PCDHA11: variants seen among roughly 807,000 people sequenced by gnomAD.
The protein encoded by PCDHA11 is protocadherin alpha-11.
Under a neutral mutation model 70.3 loss-of-function variants are expected in PCDHA11, and 61 were observed. That is an observed-to-expected ratio of 0.87 (90% CI 0.71 to 1.07). PCDHA11 has a LOEUF of 1.07. Among genes scored for constraint, PCDHA11 ranks in the 50% least tolerant of loss-of-function variants. The pLI is 0.00. For synonymous variants in PCDHA11, 633 were observed against 555.1 expected (o/e 1.14, Z -1.97); for missense variants, 1,324 against 1,237.5 (o/e 1.07, Z -1.05).
Position 140,982,513 on chromosome 5 carries a change from G to A in PCDHA11, c.2489G>A (p.Gly830Asp). Residue 830 changes from glycine (G) to aspartate (D), a missense_variant, in exon 3 of 4, where the codon GGT (glycine) becomes GAT (aspartate). Transcript: ENST00000398640. ...HLEEAGILRA[G>D]PGGPDQQWPT... is the part of the protein sequence containing the mutation. ...GAGGAGGCTGGCATTCTACGGGCTGGTCCAGGAGGGCCTGATCAGCAGTGG... is the reference window on the plus strand; with the variant it reads ...GAGGAGGCTGGCATTCTACGGGCTGATCCAGGAGGGCCTGATCAGCAGTGG... The A allele has an allele frequency of 6.2e-7, 1 of 1,614,194 alleles. No individual in the cohort carries two copies. Among genetic ancestry groups the A allele is most frequent in the Non-Finnish European group, 8.5e-7 (1 of 1,180,032 alleles).
At chr5:140,893,498 A>G (rs1471386820) in intron 1 of PCDHA11, among the ~76,000 whole-genome samples, 2 of 151,410 alleles carry the variant, frequency 1.3e-5, no homozygotes, top group Admixed American at 6.6e-5. Flanking sequence ...CACAAAAAAG[A>G]AAAAAAAAGC....
At chr5:140,946,219 G>A (rs2093905754) in intron 1 of PCDHA11, among the ~76,000 whole-genome samples, 1 of 151,856 alleles carries the variant, frequency 6.6e-6, no homozygotes, top group Non-Finnish European at 1.5e-5. Context: ...TGACCAACAG[G>A]TATACTAAAA....
intron 1 of PCDHA11, among the ~76,000 whole-genome samples, chr5:140,971,359 G>T (rs537725732): frequency 6.6e-5 from 10 of 152,312 alleles, no homozygotes; most frequent in Admixed American, 3.3e-4. Flanking sequence ...GGGAGATTTT[G>T]CCAGGAGAGT....
intron 1 of PCDHA11, among the ~76,000 whole-genome samples, chr5:140,955,475 C>T (rs246017): frequency 0.56 from 85,566 of 151,816 alleles, 24,719 homozygotes; most frequent in African/African-American, 0.69. Context: ...TGCTTGGCAC[C>T]TCTCCTTCCT....
intron 1 of PCDHA11, among the ~76,000 whole-genome samples, chr5:140,908,701 C>A (rs2074102440): frequency 6.6e-6 from 1 of 152,218 alleles, no homozygotes; most frequent in Admixed American, 6.5e-5. Context: ...ACACCTCAAG[C>A]ACCATTGGAT....
At position 140,992,156 on chromosome 5, in the gene PCDHA11, A is replaced by G. The variant is rs79603129; in HGVS notation, c.2539+9593A>G. On this transcript the variant is annotated intron_variant, in intron 3 of 3. Coordinates refer to ENST00000398640, the MANE Select transcript of PCDHA11 (RefSeq NM_018902.5). ...TGATGATGCTAACTTTGCTCAATCA[A>G]GAAGTGTGATCCATTTAAATCATGC... Among the ~76,000 whole-genome samples the G allele has an allele frequency of 2.1e-3, 313 of 152,232 alleles. 2 individuals carry two copies. The highest frequency in any genetic ancestry group is 3.8e-3 in the Non-Finnish European group (258 of 67,998).
chr5:140,870,830 T>C lies in PCDHA11; in HGVS notation c.1727T>C (p.Val576Ala). The C allele has an allele frequency of 6.2e-7, 1 of 1,613,762 alleles. No homozygotes were observed. Residue 576 changes from valine to alanine, a missense_variant, in exon 1 of 4, where the codon GTT (valine) becomes GCT (alanine). Val to Ala is a moderately conservative substitution (Grantham distance 64). Coordinates refer to ENST00000398640, the MANE Select transcript of PCDHA11 (RefSeq NM_018902.5). The part of the protein sequence containing the change: ...ATQAGSAGGA[V>A]NKLVPRSVGA... Reference sequence around the variant, plus strand: ...CAGGCTGGCAGCGCGGGAGGCGCAGTTAACAAGCTAGTACCGCGGTCGGTG... The same window carrying C: ...CAGGCTGGCAGCGCGGGAGGCGCAGCTAACAAGCTAGTACCGCGGTCGGTG...
intron 3 of PCDHA11, among the ~76,000 whole-genome samples, chr5:140,996,257 C>G (rs186736348): frequency 1.4e-4 from 22 of 152,342 alleles, no homozygotes; most frequent in African/African-American, 5.3e-4. Flanking sequence ...GACAGCAACA[C>G]AGAGCCTGGG....
At chr5:140,993,462 TCACACACA>T (rs3836747) in intron 3 of PCDHA11, among the ~76,000 whole-genome samples, 8,792 of 140,974 alleles carry the variant, frequency 0.062, 316 homozygotes, top group South Asian at 0.11. Flanking sequence ...TCTTTCTTTC[TCACACACA>T]CACACACACA....
At chr5:140,962,406 T>C (rs1272839882) in intron 1 of PCDHA11, among the ~76,000 whole-genome samples, 1 of 152,218 alleles carries the variant, frequency 6.6e-6, no homozygotes, top group African/African-American at 2.4e-5. Context: ...GCCCCAAACC[T>C]GTCTCTCCCT....
At chr5:140,875,367 T>A (rs937879067) in intron 1 of PCDHA11, 1 of 1,449,166 alleles carries the variant, frequency 6.9e-7, no homozygotes, top group Non-Finnish European at 9.1e-7. Context: ...CTGGAAAAAA[T>A]TTACTAAATA....
intron 1 of PCDHA11, among the ~76,000 whole-genome samples, chr5:140,912,160 C>T (rs1208125180): frequency 6.6e-6 from 1 of 152,134 alleles, no homozygotes. Context: ...TGTTTTTATT[C>T]TGGCTGTGCT....
intron 1 of PCDHA11, 126 bp downstream of exon 1, chr5:140,871,620 T>C: frequency 7.1e-7 from 1 of 1,405,980 alleles, no homozygotes; most frequent in Non-Finnish European, 9.4e-7. Context: ...TTGTTTTAGA[T>C]AACAATGTCT....
intron 1 of PCDHA11, among the ~76,000 whole-genome samples, chr5:140,944,016 A>G (rs2093596830): frequency 6.6e-6 from 1 of 152,182 alleles, no homozygotes; most frequent in Non-Finnish European, 1.5e-5. Flanking sequence ...CCCAAAAGCA[A>G]TTATCTTCAA....
At chr5:140,999,078 T>G (rs1554256609) in intron 3 of PCDHA11, among the ~76,000 whole-genome samples, 2 of 152,208 alleles carry the variant, frequency 1.3e-5, no homozygotes, top group Non-Finnish European at 2.9e-5. Context: ...CTTCACTTCC[T>G]CCTTCAGAGG....
intron 1 of PCDHA11, among the ~76,000 whole-genome samples, chr5:140,874,637 AC>A (rs1177845104): frequency 4.6e-5 from 7 of 152,256 alleles, no homozygotes; most frequent in African/African-American, 1.7e-4. Flanking sequence ...AAAGTGCTTT[AC>A]TTTTGCTAGA....
intron 1 of PCDHA11, chr5:140,883,262 G>A (rs1211665444): frequency 6.2e-7 from 1 of 1,613,838 alleles, no homozygotes; most frequent in Non-Finnish European, 8.5e-7. Context: ...TCCAATGGCG[G>A]GTCATTGTAC....
At chr5:140,928,630 G>A in intron 1 of PCDHA11, 1 of 1,614,210 alleles carries the variant, frequency 6.2e-7, no homozygotes, top group East Asian at 2.2e-5. Context: ...TGGACACTTG[G>A]TCACAAAAGT....
intron 3 of PCDHA11, among the ~76,000 whole-genome samples, chr5:141,006,067 A>T (rs1202024176): frequency 3.3e-5 from 5 of 151,950 alleles, no homozygotes; most frequent in African/African-American, 1.2e-4. Context: ...AGAAATAAAA[A>T]TCAGATTATT....
Sources: allele counts gnomAD v4.1 joint callset (sites outside exome capture counted in the v4.1 genomes callset), GRCh38; gene constraint gnomAD v4.1.1; transcripts MANE v1.5; gene names NCBI Gene and HGNC (gene_info 2026-07-23, HGNC 2026-07-21).